UNCX: variants seen among roughly 807,000 people sequenced by gnomAD.
UNCX encodes homeobox protein unc-4 homolog.
UNCX carries 4 observed loss-of-function variants against 14.8 expected under a neutral mutation model. The observed-to-expected ratio is 0.27, with a 90% CI of 0.13 to 0.62. UNCX has a LOEUF of 0.62. Ranked by LOEUF, UNCX falls within the 20% of genes least tolerant of loss-of-function variation. UNCX has a pLI of 0.86. For synonymous variants in UNCX, 459 were observed against 395.8 expected (o/e 1.16, Z -1.90); for missense variants, 749 against 786.8 (o/e 0.95, Z 0.58).
rs902843530 is a variant in UNCX, at chr7:1,233,418, C to CA, written c.275-102_275-101insA. On this transcript the variant is annotated intron_variant, in intron 1 of 2. Coordinates refer to ENST00000316333, the MANE Select transcript of UNCX (RefSeq NM_001080461.3). This position sits in a 1 kb window ranked among gnomAD's most constrained non-coding sequence, Gnocchi z 5.3. ...GCTCCTAGGCGGCCGTCTCTGCGCC[C>CA]CCCCCCCCGGATCCAGGCGGCCAGC... 7.5e-5 allele frequency: 103 copies of CA among 1,373,748 alleles called. 1 individual carries two copies. Among genetic ancestry groups the CA allele is most frequent in the Non-Finnish European group, 9.0e-5 (96 of 1,066,290 alleles). The allele number at this position is 1,373,748 out of a possible 1,614,324, so 85.1% of individuals were successfully genotyped here.
chr7:1,235,821 G>C lies in UNCX; in HGVS notation c.451-11G>C. 1.2e-6 allele frequency: 2 copies of C among 1,606,524 alleles called. No homozygotes were observed. The highest frequency in any genetic ancestry group is 1.1e-5 in the South Asian group (1 of 90,638). Reference sequence around the variant, plus strand: ...GATTGTGGCTTCCTCTCCCCTATCCGGCTGCTCTAGGTCTGGTTCCAAAAC... The same window carrying C: ...GATTGTGGCTTCCTCTCCCCTATCCCGCTGCTCTAGGTCTGGTTCCAAAAC... On this transcript the variant is annotated splice_polypyrimidine_tract_variant and intron_variant, in intron 2 of 2. Transcript: ENST00000316333.
chr7:1,235,995 G>A lies in UNCX; in HGVS notation c.614G>A (p.Arg205His), dbSNP rs766960006. The A allele has an allele frequency of 5.0e-6, 8 of 1,609,136 alleles. No homozygotes were observed. In the South Asian group the frequency reaches 8.8e-5, roughly 18 times the overall value. ...CTGGAGAAGATGGAGAAGAAGAAGC[G>A]CAAGCACGAGAAGAAGCTGCTGAAG... ...KELEKMEKKKRKHEKKLLKSQ... is the reference protein window; with the variant it reads ...KELEKMEKKKHKHEKKLLKSQ... Residue 205 changes from arginine (R) to histidine (H), a missense_variant, in exon 3 of 3, where the codon CGC becomes CAC. Transcript: ENST00000316333.
At position 1,233,816 on chromosome 7, in the gene UNCX, C is replaced by T; in HGVS notation, c.450+121C>T. 1.5e-6 allele frequency: 2 copies of T among 1,295,156 alleles called. No individual in the cohort carries two copies. Among genetic ancestry groups the T allele is most frequent in the Non-Finnish European group, 2.1e-6 (2 of 966,822 alleles). The allele number at this position is 1,295,156 out of a possible 1,614,324, so 80.2% of individuals were successfully genotyped here. On this transcript the variant is annotated intron_variant, in intron 2 of 2. Transcript: ENST00000316333. This position sits in a 1 kb window ranked among gnomAD's most constrained non-coding sequence, Gnocchi z 5.3. ...TTGCCGCGGGCCCGCTTCGCGCTCG[C>T]CTGCTGGGGAAGAGTGGAGGGGTGG...
rs1476975369 is a variant in UNCX, at chr7:1,235,901, G to A, written c.520G>A (p.Ala174Thr). ...CACGAAAAAGGGCCCGGGGCGGCCG[G>A]CGCACAACTCGCACCCGACCACGTG... The part of the protein sequence containing the change: ...ENTKKGPGRP[A>T]HNSHPTTCSG... Residue 174 changes from alanine to threonine, a missense_variant, in exon 3 of 3, where the codon GCG becomes ACG. By Grantham distance (58) the Ala-to-Thr change is moderately conservative (BLOSUM62 0). Transcript: ENST00000316333. The A allele has an allele frequency of 6.2e-7, 1 of 1,612,328 alleles. No individual in the cohort carries two copies. The highest frequency in any genetic ancestry group is 1.3e-5 in the African/African-American group (1 of 74,912).
chr7:1,236,921 C>G lies in UNCX; in HGVS notation c.1540C>G (p.Pro514Ala). The stretch of plus-strand genomic sequence containing the variant: ...GCCGGCCACCTGCGGGGTTCCCGAG[C>G]CTGGCGCGGCGGCCGGACCCAGCCC... ...EEPATCGVPEPGAAAGPSPPE... is the reference protein window; with the variant it reads ...EEPATCGVPEAGAAAGPSPPE... Residue 514 changes from proline to alanine, a missense_variant, in exon 3 of 3, where the codon CCT becomes GCT. Pro to Ala is a conservative substitution (Grantham distance 27). Around this residue, in one of 3 missense-constraint regions of UNCX, gnomAD observed 552 missense variants for 507.2 expected, o/e 1.09. Transcript: ENST00000316333. The surrounding 1 kb of genome is among the most constrained non-coding windows in gnomAD (Gnocchi z 6.9). 8.4e-7 allele frequency: 1 copy of G among 1,188,824 alleles called. No individual in the cohort carries two copies. Among genetic ancestry groups the G allele is most frequent in the Non-Finnish European group, 1.0e-6 (1 of 960,218 alleles). The allele number at this position is 1,188,824 out of a possible 1,614,324, so 73.6% of individuals were successfully genotyped here. A position where few individuals can be genotyped will look rare whatever the true frequency, so the allele number is the denominator to read the frequency against.
Position 1,233,422 on chromosome 7 carries a change from C to CCCCA in UNCX, c.275-95_275-94insACCC, listed in dbSNP as rs1778682992. On this transcript the variant is annotated intron_variant, in intron 1 of 2. Coordinates refer to ENST00000316333, the MANE Select transcript of UNCX (RefSeq NM_001080461.3). The surrounding 1 kb of genome is among the most constrained non-coding windows in gnomAD (Gnocchi z 5.3). ...CTAGGCGGCCGTCTCTGCGCCCCCC[C>CCCCA]CCCCGGATCCAGGCGGCCAGCGGGT... The CCCCA allele has an allele frequency of 2.2e-6, 3 of 1,378,392 alleles. No homozygotes were observed. The African/African-American group carries it at 4.6e-5, about 21-fold the overall frequency. The allele number at this position is 1,378,392 out of a possible 1,614,324, so 85.4% of individuals were successfully genotyped here.
Position 1,233,195 on chromosome 7 carries a change from G to A in UNCX, c.178G>A (p.Gly60Ser), listed in dbSNP as rs567702156. 854 of 1,451,292 alleles carry A rather than the reference G, an allele frequency of 5.9e-4. 4 individuals are homozygous for A. In the Middle Eastern group the frequency reaches 7.1e-3, roughly 12 times the overall value. The allele number at this position is 1,451,292 out of a possible 1,614,324, so 89.9% of individuals were successfully genotyped here. The change falls in exon 1 of 3, where the codon GGC becomes AGC. Residue 60 changes from glycine (G) to serine (S), a missense_variant. Gly to Ser is a moderately conservative substitution (Grantham distance 56, BLOSUM62 0). This residue lies in a region of UNCX where 155 missense variants were observed against 166.7 expected (regional missense o/e 0.93). Coordinates refer to ENST00000316333, the MANE Select transcript of UNCX (RefSeq NM_001080461.3). The surrounding 1 kb of genome is among the most constrained non-coding windows in gnomAD (Gnocchi z 5.3). ...VPFSIDGLLG[G>S]SCAAAASVVN... is the part of the protein sequence containing the mutation. ...CTTCTCCATCGACGGCCTGCTCGGG[G>A]GCTCGTGCGCCGCCGCCGCCTCGGT...
Position 1,234,975 on chromosome 7 carries a change from CTGTG to C in UNCX, c.451-851_451-848del, listed in dbSNP as rs562926138. 2.0e-5 allele frequency among the ~76,000 whole-genome samples: 3 copies of C among 152,246 alleles called. No individual in the cohort carries two copies. In the East Asian group the frequency reaches 5.9e-4, roughly 30 times the overall value. On this transcript the variant is annotated intron_variant, in intron 2 of 2. Coordinates refer to ENST00000316333, the MANE Select transcript of UNCX (RefSeq NM_001080461.3). Reference sequence around the variant, plus strand: ...TTCCGCGGGGCTCAGACGGATTTGACTGTGTGTGTTTGGTGGCTGGCGGTTGAGT... The same window carrying C: ...TTCCGCGGGGCTCAGACGGATTTGACTGTGTTTGGTGGCTGGCGGTTGAGT...
Position 1,236,613 on chromosome 7 carries a change from C to T in UNCX, c.1232C>T (p.Pro411Leu). ...GLEPAPKDAPPAPAVPPAPPA... is the reference protein window; with the variant it reads ...GLEPAPKDAPLAPAVPPAPPA... ...GAGCCGGCGCCCAAGGACGCGCCGC[C>T]CGCGCCCGCCGTGCCGCCCGCGCCG... The change falls in exon 3 of 3, where the codon CCC becomes CTC. Residue 411 changes from proline (P) to leucine (L), a missense_variant. Pro to Leu is a moderately conservative substitution (Grantham distance 98). Coordinates refer to ENST00000316333, the MANE Select transcript of UNCX (RefSeq NM_001080461.3). This position sits in a 1 kb window ranked among gnomAD's most constrained non-coding sequence, Gnocchi z 6.9. The T allele has an allele frequency of 1.8e-6, 2 of 1,094,654 alleles. No individual in the cohort carries two copies. The highest frequency in any genetic ancestry group is 4.2e-5 in the South Asian group (1 of 23,610). The allele number at this position is 1,094,654 out of a possible 1,614,324, so 67.8% of individuals were successfully genotyped here.
chr7:1,233,401 GCGGCCGTCT>G lies in UNCX; in HGVS notation c.274+112_275-109del. The G allele has an allele frequency of 1.5e-6, 2 of 1,366,580 alleles. No homozygotes were observed. The highest frequency in any genetic ancestry group is 3.2e-5 in the African/African-American group (2 of 62,902). The allele number at this position is 1,366,580 out of a possible 1,614,324, so 84.7% of individuals were successfully genotyped here. ...CTGGCGAAGGAGAGCCGGCTCCTAG[GCGGCCGTCT>G]CTGCGCCCCCCCCCCCGGATCCAGG... On this transcript the variant is annotated intron_variant, in intron 1 of 2. Transcript: ENST00000316333. The surrounding 1 kb of genome is among the most constrained non-coding windows in gnomAD (Gnocchi z 5.3).
At chr7:1,234,209 A>T (rs10275044) in intron 2 of UNCX, among the ~76,000 whole-genome samples, 92,355 of 152,230 alleles carry the variant, frequency 0.61, 32,949 homozygotes, top group Non-Finnish European at 0.8. Flanking sequence ...CGCTTTGCAG[A>T]AGGGAACAGC....
Position 1,235,862 on chromosome 7 carries a change from A to C in UNCX, c.481A>C (p.Arg161=), listed in dbSNP as rs1158345082. ...GTTCCAAAACCGCCGGGCCAAGTGG[A>C]GGAAGAAGGAGAACACGAAAAAGGG... ...VWFQNRRAKW[R]KKENTKKGPG... is the part of the protein sequence containing the mutation. Residue 161 remains arginine, a synonymous_variant, in exon 3 of 3, where the codon AGG becomes CGG. Coordinates refer to ENST00000316333, the MANE Select transcript of UNCX (RefSeq NM_001080461.3). 1.2e-6 allele frequency: 2 copies of C among 1,611,502 alleles called. No homozygotes were observed. Among genetic ancestry groups the C allele is most frequent in the African/African-American group, 1.3e-5 (1 of 74,804 alleles).
chr7:1,234,581 A>T (rs918899289), intron 2 of UNCX, among the ~76,000 whole-genome samples: 10 of 151,150 alleles, frequency 6.6e-5, no homozygotes, highest in Non-Finnish European at 1.3e-4. Context: ...AGCTTTGTCT[A>T]AAAAGGTGTG....
In UNCX at chr7:1,237,062, T is replaced by G. The variant is rs1193597332; in HGVS notation, c.*85T>G. 2.0e-6 allele frequency: 2 copies of G among 984,522 alleles called. No individual in the cohort carries two copies. The highest frequency in any genetic ancestry group is 1.2e-4 in the East Asian group (2 of 16,228). The allele number at this position is 984,522 out of a possible 1,614,324, so 61.0% of individuals were successfully genotyped here. ...TCACGCAACGAATCAGGTGATCGGC[T>G]CTAGAAACACTGCTTTCCCTTCTTT... On this transcript the variant is annotated 3_prime_UTR_variant, in exon 3 of 3. Coordinates refer to ENST00000316333, the MANE Select transcript of UNCX (RefSeq NM_001080461.3). The surrounding 1 kb of genome is among the most constrained non-coding windows in gnomAD (Gnocchi z 5.8).
intron 2 of UNCX, among the ~76,000 whole-genome samples, chr7:1,234,111 C>T (rs184067354): frequency 1.3e-5 from 2 of 151,902 alleles, no homozygotes; most frequent in Non-Finnish European, 2.9e-5. Context: ...CAACCTTCCG[C>T]GCGAGGCTCT....
chr7:1,235,434 G>T (rs967788554), intron 2 of UNCX, among the ~76,000 whole-genome samples: 6 of 152,224 alleles, frequency 3.9e-5, no homozygotes, highest in Admixed American at 6.5e-5. Context: ...GCGCCAGGCC[G>T]GGCGGGCTGC....
Position 1,237,104 on chromosome 7 carries a change from T to A in UNCX, c.*127T>A. On this transcript the variant is annotated 3_prime_UTR_variant, in exon 3 of 3. Coordinates refer to ENST00000316333, the MANE Select transcript of UNCX (RefSeq NM_001080461.3). This position sits in a 1 kb window ranked among gnomAD's most constrained non-coding sequence, Gnocchi z 5.8. ...CCCTTCTTTTCTTTTGTTTTCTTTC[T>A]TTTATTATTTTTTTTAAGAGTAAAC... 1.1e-6 allele frequency: 1 copy of A among 884,656 alleles called. No individual in the cohort carries two copies. Among genetic ancestry groups the A allele is most frequent in the Non-Finnish European group, 1.4e-6 (1 of 723,462 alleles). The allele number at this position is 884,656 out of a possible 1,614,324, so 54.8% of individuals were successfully genotyped here. A position where few individuals can be genotyped will look rare whatever the true frequency, so the allele number is the denominator to read the frequency against.
At chr7:1,235,759 G>C in intron 2 of UNCX, 73 bp from the exon 3 acceptor site, 1 of 1,396,842 alleles carries the variant, frequency 7.2e-7, no homozygotes, top group Non-Finnish European at 9.8e-7. Context: ...TGGGGGGAGC[G>C]GGGAGGTCCT....
At position 1,236,488 on chromosome 7, in the gene UNCX, G is replaced by A. The variant is rs765253530; in HGVS notation, c.1107G>A (p.Pro369=). 2.9e-6 allele frequency: 4 copies of A among 1,400,006 alleles called. No individual in the cohort carries two copies. In the South Asian group the frequency reaches 5.5e-5, roughly 19 times the overall value. The allele number at this position is 1,400,006 out of a possible 1,614,324, so 86.7% of individuals were successfully genotyped here. A position where few individuals can be genotyped will look rare whatever the true frequency, so the allele number is the denominator to read the frequency against. Residue 369 remains proline, a synonymous_variant, in exon 3 of 3, where the codon CCG becomes CCA. Transcript: ENST00000316333. The surrounding 1 kb of genome is among the most constrained non-coding windows in gnomAD (Gnocchi z 6.9). ...TCGCGCCCGGGCTGCCGTGCGCGCC[G>A]CGGACCCTGATCGGCAAGGGCCACT... ...LDFAPGLPCA[P]RTLIGKGHFL...
Sources: allele counts gnomAD v4.1 joint callset (sites outside exome capture counted in the v4.1 genomes callset), GRCh38; gene constraint gnomAD v4.1.1; regional missense constraint gnomAD v4.1.1; non-coding constraint Gnocchi (gnomAD v3.1); transcripts MANE v1.5; gene names NCBI Gene and HGNC (gene_info 2026-07-23, HGNC 2026-07-21).